PHF24: variants seen among roughly 807,000 people sequenced by gnomAD.
PHF24 encodes PHD finger protein 24.
PHF24 carries 25 observed loss-of-function variants against 42.6 expected under a neutral mutation model. That is an observed-to-expected ratio of 0.59 (90% CI 0.43 to 0.82). The LOEUF is 0.82. PHF24 is among the 40% of genes least tolerant of loss of function. The probability of loss-of-function intolerance (pLI) is 0.00; values close to 1 mark genes in which losing one functional copy is unlikely to be tolerated. For missense variants in PHF24, 470 were observed against 538.1 expected (o/e 0.87, Z 1.25); for synonymous variants, 185 against 204.8 (o/e 0.90, Z 0.83).
chr9:34,908,312 T>C, the PHF24 span, among the ~76,000 whole-genome samples: 484 of 152,338 alleles, frequency 3.2e-3, 4 homozygotes, highest in African/African-American at 0.011. Flanking sequence ...AGACAATTCA[T>C]TGATCCCTCA....
chr9:34,912,292 C>T, the PHF24 span, among the ~76,000 whole-genome samples: 3 of 152,076 alleles, frequency 2.0e-5, no homozygotes, highest in South Asian at 2.1e-4. Flanking sequence ...CTCTAACTAC[C>T]TTGTCCTGAG....
chr9:34,892,601 G>T, the PHF24 span: 2 of 445,676 alleles, frequency 4.5e-6, no homozygotes, highest in Admixed American at 7.5e-5. Flanking sequence ...GTTGTTGTAG[G>T]TTTGGGAGCT....
the PHF24 span, among the ~76,000 whole-genome samples, chr9:34,798,374 C>A: frequency 0.36 from 54,347 of 151,938 alleles, 9,904 homozygotes; most frequent in East Asian, 0.56. Context: ...TCCCTCCCTC[C>A]TGCTTTTTGG....
the PHF24 span, among the ~76,000 whole-genome samples, chr9:34,775,315 C>T: frequency 6.6e-6 from 1 of 152,122 alleles, no homozygotes; most frequent in East Asian, 1.9e-4. Flanking sequence ...TATGATTCCA[C>T]TTATGTAAGG....
At position 34,966,595 on chromosome 9, in the gene PHF24, C is replaced by T. The variant is rs985139062; in HGVS notation, c.-4-4700C>T. On this transcript the variant is annotated intron_variant, in intron 1 of 7. Coordinates refer to ENST00000242315, the Ensembl canonical transcript of PHF24. ...ATATGGCGAGACCCCCCCCCTCGCC[C>T]CATCTCAAAATAAATAATTAAATCA... Among the ~76,000 whole-genome samples the T allele has an allele frequency of 4.6e-5, 7 of 152,120 alleles. No homozygotes were observed. The South Asian group carries it at 1.2e-3, about 27-fold the overall frequency.
the PHF24 span, among the ~76,000 whole-genome samples, chr9:34,823,372 A>G: frequency 4.6e-5 from 7 of 152,254 alleles, no homozygotes; most frequent in South Asian, 1.0e-3. Context: ...CAGTTTCCCT[A>G]TCTCACTCAA....
the PHF24 span, among the ~76,000 whole-genome samples, chr9:34,778,360 C>G: frequency 6.6e-6 from 1 of 152,044 alleles, no homozygotes; most frequent in African/African-American, 2.4e-5. Context: ...TGAGATCCTG[C>G]CTCATGATGT....
At chr9:34,698,033 A>T in the PHF24 span, among the ~76,000 whole-genome samples, 1 of 152,216 alleles carries the variant, frequency 6.6e-6, no homozygotes, top group Non-Finnish European at 1.5e-5. Context: ...ATGTGGTGGT[A>T]GCTAATTAAT....
chr9:34,790,546 T>C, the PHF24 span, among the ~76,000 whole-genome samples: 1 of 152,256 alleles, frequency 6.6e-6, no homozygotes, highest in Non-Finnish European at 1.5e-5. Flanking sequence ...GTAGCCATCA[T>C]GACATCCAAC....
chr9:34,860,783 T>C, the PHF24 span, among the ~76,000 whole-genome samples: 3 of 152,138 alleles, frequency 2.0e-5, no homozygotes, highest in African/African-American at 7.2e-5. Flanking sequence ...ACAAGTTGCA[T>C]CCACTTTGGA....
At chr9:34,946,610 A>G in the PHF24 span, among the ~76,000 whole-genome samples, 4 of 152,204 alleles carry the variant, frequency 2.6e-5, no homozygotes, top group African/African-American at 9.6e-5. Flanking sequence ...GTACTTTACA[A>G]AGTATACAAA....
the PHF24 span, among the ~76,000 whole-genome samples, chr9:34,666,855 G>C: frequency 6.6e-6 from 1 of 152,184 alleles, no homozygotes; most frequent in Admixed American, 6.5e-5. Context: ...CTGAGGCAGA[G>C]AATTGCTTGA....
chr9:34,706,752 C>A, the PHF24 span, among the ~76,000 whole-genome samples: 1 of 151,988 alleles, frequency 6.6e-6, no homozygotes, highest in African/African-American at 2.4e-5. Flanking sequence ...ATAGAGTAGG[C>A]AAGAGTTTTG....
chr9:34,768,307 C>T, the PHF24 span, among the ~76,000 whole-genome samples: 4 of 152,188 alleles, frequency 2.6e-5, no homozygotes, highest in African/African-American at 4.8e-5. Flanking sequence ...CCACAGACTA[C>T]GGCTCAAATA....
the PHF24 span, among the ~76,000 whole-genome samples, chr9:34,778,130 TTATC>T: frequency 6.6e-6 from 1 of 152,228 alleles, no homozygotes; most frequent in Non-Finnish European, 1.5e-5. Flanking sequence ...CAAAGTGTGA[TTATC>T]TACTCACTAT....
chr9:34,893,617 A>G, the PHF24 span, among the ~76,000 whole-genome samples: 3 of 151,966 alleles, frequency 2.0e-5, no homozygotes, highest in African/African-American at 4.8e-5. Flanking sequence ...AAAAAAAGAA[A>G]AAAGAAAAGA....
At chr9:34,782,156 A>G in the PHF24 span, among the ~76,000 whole-genome samples, 1 of 152,172 alleles carries the variant, frequency 6.6e-6, no homozygotes, top group Non-Finnish European at 1.5e-5. Context: ...AACTCACTGA[A>G]GTGCTCAGTG....
the PHF24 span, among the ~76,000 whole-genome samples, chr9:34,934,199 G>A: frequency 6.6e-6 from 1 of 152,172 alleles, no homozygotes; most frequent in African/African-American, 2.4e-5. Flanking sequence ...ATTTCAGTGT[G>A]TGGCCACAGC....
chr9:34,870,911 C>A, the PHF24 span, among the ~76,000 whole-genome samples: 6 of 152,332 alleles, frequency 3.9e-5, no homozygotes, highest in East Asian at 9.6e-4. Flanking sequence ...CTGTTATAAA[C>A]ATCCATGTGG....
Sources: gnomAD v4.1 joint callset for allele counts (sites outside exome capture counted in the v4.1 genomes callset) on GRCh38, gnomAD v4.1.1 for gene constraint, MANE v1.5 for transcripts, NCBI Gene and HGNC (gene_info 2026-07-23, HGNC 2026-07-21) for gene names.